CACNA1E: variants seen among roughly 807,000 people sequenced by gnomAD.
The protein encoded by CACNA1E is calcium voltage-gated channel subunit alpha1 E, also known as voltage-dependent R-type calcium channel subunit alpha-1E.
In CACNA1E, 40 loss-of-function variants were observed where a neutral mutation model predicts 259.2. The ratio of observed to expected loss-of-function variants is 0.15; its 90% CI spans 0.12 to 0.20. The LOEUF is 0.20. CACNA1E is among the 10% of genes least tolerant of loss of function. The probability of loss-of-function intolerance (pLI) is 1.00; values close to 1 mark genes in which losing one functional copy is unlikely to be tolerated. For synonymous variants in CACNA1E, 1,104 were observed against 1,138.5 expected (o/e 0.97, Z 0.61); for missense variants, 1,874 against 3,040.1 (o/e 0.62, Z 9.02).
At chr1:181,434,924 C>G (rs954792267) in intron 2 of CACNA1E, among the ~76,000 whole-genome samples, 2 of 152,236 alleles carry the variant, frequency 1.3e-5, no homozygotes, top group Non-Finnish European at 2.9e-5. Flanking sequence ...CGTCTCTTCC[C>G]AGCTCCTTAT....
intron 7 of CACNA1E, among the ~76,000 whole-genome samples, chr1:181,659,373 T>C (rs78672869): frequency 7.0e-4 from 107 of 152,350 alleles, no homozygotes; most frequent in African/African-American, 2.5e-3. Context: ...GCATTTTTAC[T>C]TGTCTCAAAG....
intron 37 of CACNA1E, 144 bp downstream of exon 37, chr1:181,772,375 C>G: frequency 1.3e-6 from 1 of 747,104 alleles, no homozygotes; most frequent in East Asian, 2.5e-5. Context: ...CATGCACACA[C>G]TCACACTCAC....
At chr1:181,785,183 C>T in intron 41 of CACNA1E, 135 bp from the exon 42 acceptor site, 1 of 664,750 alleles carries the variant, frequency 1.5e-6, no homozygotes, top group Non-Finnish European at 2.8e-6. Context: ...CATGGGGGCC[C>T]TCAATATACA....
intron 37 of CACNA1E, among the ~76,000 whole-genome samples, chr1:181,774,972 GC>G (rs1659847117): frequency 2.0e-5 from 3 of 152,190 alleles, no homozygotes; most frequent in Admixed American, 2.0e-4. Flanking sequence ...TTGATATGGG[GC>G]TCAGATGATA....
At chr1:181,480,066 A>C (rs1489338216), upstream of CACNA1E, among the ~76,000 whole-genome samples, 4 of 152,146 alleles carry the variant, frequency 2.6e-5, no homozygotes, top group East Asian at 7.7e-4. Flanking sequence ...GGATTGCTTG[A>C]GCCTAGGAGT....
chr1:181,327,071 G>A (rs566389375), intron 1 of CACNA1E, among the ~76,000 whole-genome samples: 7 of 152,246 alleles, frequency 4.6e-5, no homozygotes, highest in African/African-American at 9.6e-5. Context: ...TGTTGTAACC[G>A]TCAGCCTCTC....
At position 181,801,382 on chromosome 1, in the gene CACNA1E, A is replaced by G. The variant is rs1161441348; in HGVS notation, c.*2548A>G. ...TCCTGAACTCCTTGAACTCATACACACAGGTATTTGAGTCCTGAATAAAGT... is the reference window on the plus strand; with the variant it reads ...TCCTGAACTCCTTGAACTCATACACGCAGGTATTTGAGTCCTGAATAAAGT... On this transcript the variant is annotated 3_prime_UTR_variant, in exon 48 of 48. Transcript: ENST00000367573. 6.6e-6 allele frequency: 1 copy of G among 152,336 alleles called. No individual in the cohort carries two copies. Among genetic ancestry groups the G allele is most frequent in the African/African-American group, 2.4e-5 (1 of 41,450 alleles). 9.4% of individuals were successfully genotyped at this position (152,336 alleles called of 1,614,324 possible). A position where few individuals can be genotyped will look rare whatever the true frequency, so the allele number is the denominator to read the frequency against.
chr1:181,331,234 A>G (rs1651237573), intron 1 of CACNA1E, among the ~76,000 whole-genome samples: 1 of 152,190 alleles, frequency 6.6e-6, no homozygotes, highest in Non-Finnish European at 1.5e-5. Flanking sequence ...ATAGATAGAT[A>G]GATAGACAAT....
intron 36 of CACNA1E, 48 bp downstream of exon 36, chr1:181,771,432 A>G (rs1211397363): frequency 7.0e-6 from 7 of 998,246 alleles, no homozygotes; most frequent in Non-Finnish European, 9.4e-6. Flanking sequence ...TGATGGAGGG[A>G]GAGAGAGTTT....
rs56198008 is a variant in CACNA1E at position 181,680,105 on chromosome 1, CAAAAAAAAAAAA to C, written c.1055+28682_1055+28693del. Among the ~76,000 whole-genome samples, 386 of 78,516 alleles carry C rather than the reference CAAAAAAAAAAAA, an allele frequency of 4.9e-3. 7 individuals carry two copies. The highest frequency in any genetic ancestry group is 0.015 in the African/African-American group (312 of 21,300). 51.5% of individuals were successfully genotyped at this position (78,516 alleles called of 152,430 possible). The stretch of plus-strand genomic sequence containing the variant: ...TGCATGACAGAGTGAGACCTTGTCT[CAAAAAAAAAAAA>C]AAAAAAAAAAAAAAAAAGAGTCCCC... On this transcript the variant is annotated intron_variant, in intron 7 of 47. Transcript: ENST00000367573.
chr1:181,793,404 T>C (rs1450079408), intron 44 of CACNA1E, among the ~76,000 whole-genome samples: 2 of 152,206 alleles, frequency 1.3e-5, no homozygotes, highest in Non-Finnish European at 2.9e-5. Flanking sequence ...ATCTGAATCA[T>C]TGCTTAGTGA....
intron 8 of CACNA1E, among the ~76,000 whole-genome samples, chr1:181,712,053 CT>C (rs1471971276): frequency 6.6e-6 from 1 of 152,170 alleles, no homozygotes; most frequent in Non-Finnish European, 1.5e-5. Flanking sequence ...AAGCCTTGAG[CT>C]GTCATCAGTT....
At chr1:181,656,903 A>C (rs1253424854) in intron 7 of CACNA1E, among the ~76,000 whole-genome samples, 2 of 152,244 alleles carry the variant, frequency 1.3e-5, no homozygotes, top group African/African-American at 2.4e-5. Context: ...GCCTAGGAGC[A>C]ATAGGTTACA....
chr1:181,509,635 G>A (rs1208340995), intron 1 of CACNA1E, among the ~76,000 whole-genome samples: 1 of 152,168 alleles, frequency 6.6e-6, no homozygotes, highest in Non-Finnish European at 1.5e-5. Context: ...CTCCCTCGGA[G>A]CATGTGGCAA....
intron 6 of CACNA1E, among the ~76,000 whole-genome samples, chr1:181,615,284 G>A (rs529500154): frequency 7.2e-4 from 109 of 152,186 alleles, no homozygotes; most frequent in African/African-American, 1.8e-3. Flanking sequence ...TCTGCCTCCC[G>A]GGTTCGAGCA....
At chr1:181,761,148 A>C (rs1253718292) in intron 32 of CACNA1E, among the ~76,000 whole-genome samples, 1 of 152,186 alleles carries the variant, frequency 6.6e-6, no homozygotes, top group Non-Finnish European at 1.5e-5. Flanking sequence ...TTTCAGCCTC[A>C]TTTTCTCATA....
chr1:181,650,413 C>T (rs984525636), intron 6 of CACNA1E, among the ~76,000 whole-genome samples: 6 of 151,848 alleles, frequency 4.0e-5, no homozygotes, highest in Non-Finnish European at 1.5e-5. Context: ...GAGTGGGGGT[C>T]GAAGGGATTT....
chr1:181,520,363 A>G (rs2102672099), intron 3 of CACNA1E, among the ~76,000 whole-genome samples: 1 of 152,330 alleles, frequency 6.6e-6, no homozygotes, highest in African/African-American at 2.4e-5. Flanking sequence ...GCAAAATACC[A>G]AATCAGTGAA....
At chr1:181,373,825 C>T (rs1461100438) in intron 1 of CACNA1E, among the ~76,000 whole-genome samples, 1 of 152,090 alleles carries the variant, frequency 6.6e-6, no homozygotes, top group East Asian at 1.9e-4. Context: ...GTGCCTGGCC[C>T]AAGGTAGATT....
Sources: gnomAD v4.1 joint callset for allele counts (sites outside exome capture counted in the v4.1 genomes callset) on GRCh38, gnomAD v4.1.1 for gene constraint, MANE v1.5 for transcripts, NCBI Gene and HGNC (gene_info 2026-07-23, HGNC 2026-07-21) for gene names.